FLI1: variants seen among roughly 807,000 people sequenced by gnomAD.
The protein encoded by FLI1 is Fli-1 proto-oncogene, ETS transcription factor.
FLI1 carries 13 observed loss-of-function variants against 53.1 expected under a neutral mutation model. The observed-to-expected ratio is 0.24, with a 90% confidence interval of 0.16 to 0.39. The LOEUF (loss-of-function observed/expected upper bound fraction) is 0.39. Among genes scored for constraint, FLI1 ranks in the 10% least tolerant of loss-of-function variants. The pLI is 1.00. For missense variants in FLI1, 424 were observed against 600.5 expected (o/e 0.71, Z 3.07); for synonymous variants, 244 against 236.7 (o/e 1.03, Z -0.28).
chr11:128,686,379 A>G (rs953969644), upstream of FLI1: 7 of 456,150 alleles, frequency 1.5e-5, no homozygotes, highest in African/African-American at 1.4e-4. Context: ...AAAGGACTGT[A>G]GGGAGGAGAC....
intron 1 of FLI1, among the ~76,000 whole-genome samples, chr11:128,740,331 CTATT>C (rs1940080060): frequency 6.6e-6 from 1 of 152,214 alleles, no homozygotes; most frequent in Admixed American, 6.5e-5. Flanking sequence ...CCTTTTCTAT[CTATT>C]CACTTCTTCC....
chr11:128,771,712 C>T (rs1489340235), intron 3 of FLI1, among the ~76,000 whole-genome samples: 3 of 152,168 alleles, frequency 2.0e-5, no homozygotes, highest in Non-Finnish European at 4.4e-5. Flanking sequence ...GTCTCTCCTC[C>T]CCCAGGAAGT....
chr11:128,722,201 A>G (rs972697072), intron 1 of FLI1, among the ~76,000 whole-genome samples: 10 of 152,228 alleles, frequency 6.6e-5, no homozygotes, highest in Non-Finnish European at 1.3e-4. Context: ...TTGACACACG[A>G]CTATATGACA....
chr11:128,716,267 G>C (rs191695136), intron 1 of FLI1, among the ~76,000 whole-genome samples: 1 of 152,264 alleles, frequency 6.6e-6, no homozygotes, highest in East Asian at 1.9e-4. Context: ...AAGCCAAAAT[G>C]TCAGAAAAGG....
At chr11:128,809,718 C>T (rs1026957744) in intron 8 of FLI1, among the ~76,000 whole-genome samples, 1 of 152,164 alleles carries the variant, frequency 6.6e-6, no homozygotes, top group Non-Finnish European at 1.5e-5. Context: ...AAATAACTCT[C>T]AAGAGGGTCC....
chr11:128,786,737 T>TCAG (rs1942098057), intron 5 of FLI1, among the ~76,000 whole-genome samples: 2 of 152,198 alleles, frequency 1.3e-5, no homozygotes, highest in South Asian at 4.1e-4. Flanking sequence ...TGTGCAACAA[T>TCAG]CAGCACATCT....
intron 2 of FLI1, among the ~76,000 whole-genome samples, chr11:128,765,930 G>T (rs769476915): frequency 5.3e-5 from 8 of 152,202 alleles, no homozygotes; most frequent in Non-Finnish European, 1.0e-4. Context: ...TGAAGTATGT[G>T]TGTTCCATGT....
At position 128,775,076 on chromosome 11, in the gene FLI1, G is replaced by C. The variant is rs563877528; in HGVS notation, c.589+2091G>C. 5.9e-4 allele frequency among the ~76,000 whole-genome samples: 90 copies of C among 152,324 alleles called. 1 individual carries two copies. In the South Asian group the frequency reaches 0.018, roughly 31 times the overall value. On this transcript the variant is annotated intron_variant, in intron 4 of 8. Coordinates refer to ENST00000527786, the MANE Select transcript of FLI1 (RefSeq NM_002017.5). ...TAGGTTTCCCAAAAGGGACTTATTAGTGGAGCATATTTCCAGAGTGGAGAG... is the reference window on the plus strand; with the variant it reads ...TAGGTTTCCCAAAAGGGACTTATTACTGGAGCATATTTCCAGAGTGGAGAG...
intron 3 of FLI1, 61 bp downstream of exon 3, chr11:128,768,333 G>A (rs767404246): frequency 4.7e-5 from 74 of 1,587,576 alleles, no homozygotes; most frequent in Non-Finnish European, 6.2e-5. Context: ...GGGGGGCAGG[G>A]AGCATCTAAA....
Position 128,812,508 on chromosome 11 carries a change from A to G in FLI1, c.*1520A>G, listed in dbSNP as rs1449477312. Reference sequence around the variant, plus strand: ...CTATTTACTTCTTGCACTATCAAGAATTTTTCGAATGTACCTACTGCAGTA... The same window carrying G: ...CTATTTACTTCTTGCACTATCAAGAGTTTTTCGAATGTACCTACTGCAGTA... On this transcript the variant is annotated 3_prime_UTR_variant, in exon 9 of 9. Coordinates refer to ENST00000527786, the MANE Select transcript of FLI1 (RefSeq NM_002017.5). The G allele has an allele frequency of 4.5e-6, 1 of 224,716 alleles. No individual in the cohort carries two copies. Among genetic ancestry groups the G allele is most frequent in the African/African-American group, 2.2e-5 (1 of 44,864 alleles). The allele number at this position is 224,716 out of a possible 1,614,324, so 13.9% of individuals were successfully genotyped here.
chr11:128,694,237 G>C lies in FLI1; in HGVS notation c.-22G>C, dbSNP rs1281668606. 11 of 1,503,456 alleles carry C rather than the reference G, an allele frequency of 7.3e-6. No individual in the cohort carries two copies. The highest frequency in any genetic ancestry group is 2.7e-5 in the East Asian group (1 of 37,092). 93.1% of individuals were successfully genotyped at this position (1,503,456 alleles called of 1,614,324 possible). On this transcript the variant is annotated 5_prime_UTR_variant, in exon 1 of 9. Coordinates refer to ENST00000527786, the MANE Select transcript of FLI1 (RefSeq NM_002017.5). Reference sequence around the variant, plus strand: ...GGGTCAATGTGTGGAATATTGGGGGGCTCGGCTGCAGACTTGGCCAAATGG... The same window carrying C: ...GGGTCAATGTGTGGAATATTGGGGGCCTCGGCTGCAGACTTGGCCAAATGG...
chr11:128,810,625 C>T lies in FLI1; in HGVS notation c.996C>T (p.Tyr332=), dbSNP rs752016751. 90 of 1,613,850 alleles carry T rather than the reference C, an allele frequency of 5.6e-5. 1 individual carries two copies. In the South Asian group the frequency reaches 7.9e-4, roughly 14 times the overall value. ...GERKSKPNMN[Y]DKLSRALRYY... ...GGAAAAGCAAGCCCAACATGAATTA[C>T]GACAAGCTGAGCCGGGCCCTCCGTT... The change falls in exon 9 of 9, where the codon TAC becomes TAT. Residue 332 remains tyrosine, a synonymous_variant. Transcript: ENST00000527786. This position sits in a 1 kb window ranked among gnomAD's most constrained non-coding sequence, Gnocchi z 6.6.
upstream of FLI1, among the ~76,000 whole-genome samples, chr11:128,690,507 C>A (rs1321611388): frequency 1.3e-5 from 2 of 152,162 alleles, no homozygotes; most frequent in Non-Finnish European, 2.9e-5. Flanking sequence ...AAGTCTTGAC[C>A]GGGTCAAAAG....
intron 5 of FLI1, among the ~76,000 whole-genome samples, chr11:128,783,351 A>G (rs1182855888): frequency 2.0e-5 from 3 of 152,252 alleles, no homozygotes; most frequent in South Asian, 2.1e-4. Context: ...TTAACAATTT[A>G]TAATTTAATA....
At chr11:128,805,219 G>A (rs1484499701) in intron 5 of FLI1, 147 bp from the exon 6 acceptor site, 5 of 548,280 alleles carry the variant, frequency 9.1e-6, no homozygotes, top group East Asian at 6.3e-5. Context: ...AACCCCAGGG[G>A]GTGAGTACAC....
chr11:128,724,621 A>G (rs1939394658), intron 1 of FLI1, among the ~76,000 whole-genome samples: 1 of 152,220 alleles, frequency 6.6e-6, no homozygotes, highest in African/African-American at 2.4e-5. Flanking sequence ...TCCTGCCTAC[A>G]CTGCCTGAGC....
In FLI1 at chr11:128,807,085, C is replaced by T. The variant is rs614613; in HGVS notation, c.722-95C>T. ...AATAAATGAGTCAGTGGAGAGTGGG[C>T]GAAGGAATGAGTGAGAAAGCACATC... is the stretch of plus-strand genomic sequence containing the variant. On this transcript the variant is annotated intron_variant, in intron 6 of 8. Coordinates refer to ENST00000527786, the MANE Select transcript of FLI1 (RefSeq NM_002017.5). The T allele has an allele frequency of 0.044, 27,284 of 613,990 alleles. 713 individuals are homozygous for T. The highest frequency in any genetic ancestry group is 0.056 in the Non-Finnish European group (20,689 of 369,504). 38.0% of individuals were successfully genotyped at this position (613,990 alleles called of 1,614,324 possible).
At chr11:128,773,871 A>G (rs1941650652) in intron 4 of FLI1, among the ~76,000 whole-genome samples, 1 of 151,866 alleles carries the variant, frequency 6.6e-6, no homozygotes, top group East Asian at 1.9e-4. Context: ...GGCTCACACT[A>G]CGTAAGAGCA....
chr11:128,776,466 C>A (rs955179433), intron 4 of FLI1, among the ~76,000 whole-genome samples: 1 of 152,204 alleles, frequency 6.6e-6, no homozygotes, highest in East Asian at 1.9e-4. Context: ...GCCTGGCCAA[C>A]GTGGTGAAAC....
Sources: gnomAD v4.1 joint callset for allele counts (sites outside exome capture counted in the v4.1 genomes callset) on GRCh38, gnomAD v4.1.1 for gene constraint, Gnocchi (gnomAD v3.1) non-coding constraint, MANE v1.5 for transcripts, NCBI Gene and HGNC (gene_info 2026-07-23, HGNC 2026-07-21) for gene names.